RAI1: variants seen among roughly 807,000 people sequenced by gnomAD.
RAI1 encodes the protein retinoic acid-induced protein 1.
RAI1 carries 9 observed loss-of-function variants against 123.8 expected under a neutral mutation model. The observed-to-expected ratio is 0.07, with a 90% confidence interval of 0.04 to 0.13. RAI1 has a LOEUF of 0.13. Ranked by LOEUF, RAI1 falls within the 10% of genes least tolerant of loss-of-function variation. RAI1 has a pLI of 1.00. For synonymous variants in RAI1, 1,231 were observed against 1,127.3 expected (o/e 1.09, Z -1.84); for missense variants, 2,256 against 2,545.8 (o/e 0.89, Z 2.45).
intron 2 of RAI1, among the ~76,000 whole-genome samples, chr17:17,749,175 G>A (rs950205189): frequency 2.0e-5 from 3 of 152,200 alleles, no homozygotes; most frequent in Non-Finnish European, 4.4e-5. Flanking sequence ...GCACCAGCTC[G>A]CCTGAGCTGC....
intron 1 of RAI1, among the ~76,000 whole-genome samples, chr17:17,711,753 G>A (rs1462254146): frequency 6.6e-6 from 1 of 152,210 alleles, no homozygotes; most frequent in East Asian, 1.9e-4. Flanking sequence ...TGGTAGCTTG[G>A]GGCATTAGGG....
chr17:17,808,044 C>G (rs2032629021), intron 4 of RAI1, among the ~76,000 whole-genome samples: 1 of 152,222 alleles, frequency 6.6e-6, no homozygotes, highest in African/African-American at 2.4e-5. Flanking sequence ...AGAGCCACCT[C>G]CAGTGTGAAC....
intron 3 of RAI1, among the ~76,000 whole-genome samples, chr17:17,802,503 G>T (rs1043523744): frequency 3.9e-5 from 6 of 152,302 alleles, no homozygotes; most frequent in African/African-American, 1.4e-4. Context: ...GCGGCCAGGC[G>T]CGGTGGCTCA....
chr17:17,796,278 C>T lies in RAI1; in HGVS notation c.3330C>T (p.Ser1110=), dbSNP rs1177766518. 3 of 1,596,554 alleles carry T rather than the reference C, an allele frequency of 1.9e-6. No homozygotes were observed. The highest frequency in any genetic ancestry group is 3.3e-4 in the Middle Eastern group (2 of 5,994). ...CACCCAAGGCTGCCTCCAGCCCCAG[C>T]AACCCGGCCGCCCTGCCTGTGGCCT... The part of the protein sequence containing the change: ...KPSPKAASSP[S]NPAALPVASD... Residue 1110 remains serine (S), a synonymous_variant, in exon 3 of 6, where the codon AGC becomes AGT. Transcript: ENST00000353383. This position sits in a 1 kb window ranked among gnomAD's most constrained non-coding sequence, Gnocchi z 5.8.
At chr17:17,787,423 G>A (rs939918546) in intron 2 of RAI1, among the ~76,000 whole-genome samples, 3 of 152,152 alleles carry the variant, frequency 2.0e-5, no homozygotes, top group African/African-American at 7.2e-5. Flanking sequence ...ACAGAGAGGT[G>A]GTGACGCTTT....
intron 2 of RAI1, among the ~76,000 whole-genome samples, chr17:17,776,084 G>A (rs557895607): frequency 2.0e-5 from 3 of 152,316 alleles, no homozygotes; most frequent in Admixed American, 6.5e-5. Context: ...TTCCTCATCC[G>A]TAAAATGGGA....
At position 17,794,874 on chromosome 17, in the gene RAI1, G is replaced by T. The variant is rs147762019; in HGVS notation, c.1926G>T (p.Ser642=). Residue 642 remains serine, a synonymous_variant, in exon 3 of 6, where the codon TCG becomes TCT. Coordinates refer to ENST00000353383, the MANE Select transcript of RAI1 (RefSeq NM_030665.4). Reference sequence around the variant, plus strand: ...AGGACAGCAGCAAGCCACCCTTCTCGCTGGAGAACCACAGCGCCTGCCTGG... The same window carrying T: ...AGGACAGCAGCAAGCCACCCTTCTCTCTGGAGAACCACAGCGCCTGCCTGG... The part of the protein sequence containing the change: ...LVKDSSKPPF[S]LENHSACLDS... 1.2e-6 allele frequency: 2 copies of T among 1,613,298 alleles called. No individual in the cohort carries two copies. The highest frequency in any genetic ancestry group is 1.7e-6 in the Non-Finnish European group (2 of 1,179,970).
In RAI1 at chr17:17,795,514, C is replaced by T; in HGVS notation, c.2566C>T (p.Leu856=). Residue 856 remains leucine (L), a synonymous_variant, in exon 3 of 6, where the codon CTG becomes TTG. Transcript: ENST00000353383. This position sits in a 1 kb window ranked among gnomAD's most constrained non-coding sequence, Gnocchi z 5.9. ...CGCCGACTTCGGGGACCTCCCACTG[C>T]TGCCACCCACCAGCAGGAAGGAGGA... is the stretch of plus-strand genomic sequence containing the variant. ...STADFGDLPL[L]PPTSRKEDLE... is the part of the protein sequence containing the mutation. 1 of 1,593,748 alleles carries T rather than the reference C, an allele frequency of 6.3e-7. No individual in the cohort carries two copies. Among genetic ancestry groups the T allele is most frequent in the Non-Finnish European group, 8.5e-7 (1 of 1,170,252 alleles).
chr17:17,726,251 C>G (rs1175797280), intron 2 of RAI1, among the ~76,000 whole-genome samples: 1 of 152,222 alleles, frequency 6.6e-6, no homozygotes, highest in Non-Finnish European at 1.5e-5. Flanking sequence ...CCCTTCTACC[C>G]TTTGCCCAGA....
At chr17:17,807,217 G>A (rs2032611367) in intron 4 of RAI1, among the ~76,000 whole-genome samples, 1 of 138,664 alleles carries the variant, frequency 7.2e-6, no homozygotes, top group African/African-American at 2.6e-5. Flanking sequence ...GGTGCAGGGA[G>A]GGCCCCCAGC....
At chr17:17,695,497 C>T (rs1914995161) in intron 1 of RAI1, among the ~76,000 whole-genome samples, 1 of 152,006 alleles carries the variant, frequency 6.6e-6, no homozygotes, top group Non-Finnish European at 1.5e-5. Context: ...TACTACTCCA[C>T]AGCCGCCTTC....
chr17:17,802,528 G>A (rs1322993746), intron 3 of RAI1, among the ~76,000 whole-genome samples: 1 of 152,214 alleles, frequency 6.6e-6, no homozygotes, highest in Non-Finnish European at 1.5e-5. Context: ...TGTAATCCCA[G>A]CACTTTGGGA....
chr17:17,744,397 G>A (rs1205539249), intron 2 of RAI1, among the ~76,000 whole-genome samples: 1 of 152,222 alleles, frequency 6.6e-6, no homozygotes, highest in African/African-American at 2.4e-5. Flanking sequence ...ACACAGAACT[G>A]GTTCACAGAA....
chr17:17,780,012 T>C (rs947490558), intron 2 of RAI1, among the ~76,000 whole-genome samples: 10 of 150,012 alleles, frequency 6.7e-5, no homozygotes, highest in African/African-American at 2.4e-4. Flanking sequence ...CCTGACCTCA[T>C]GATCCGCCTG....
Position 17,809,536 on chromosome 17 carries a change from C to T in RAI1, c.5709+97C>T. 3.8e-6 allele frequency: 5 copies of T among 1,322,972 alleles called. No individual in the cohort carries two copies. The highest frequency in any genetic ancestry group is 5.4e-6 in the Non-Finnish European group (5 of 925,028). 82.0% of individuals were successfully genotyped at this position (1,322,972 alleles called of 1,614,324 possible). A position where few individuals can be genotyped will look rare whatever the true frequency, so the allele number is the denominator to read the frequency against. On this transcript the variant is annotated intron_variant, in intron 5 of 5. Coordinates refer to ENST00000353383, the MANE Select transcript of RAI1 (RefSeq NM_030665.4). This position sits in a 1 kb window ranked among gnomAD's most constrained non-coding sequence, Gnocchi z 4.9. ...ACAGTCCCCTGGGCCCCCTTGGCTG[C>T]GCAGCCCCGCAGGGCCCAGCCCTAG...
chr17:17,797,118 G>C lies in RAI1; in HGVS notation c.4170G>C (p.Lys1390Asn), dbSNP rs2032287891. ...TGGTAAATGTGGGCACCGGGCAGAA[G>C]CTCCCAACTTCTGGGGCTGATCCGT... ...EGLVNVGTGQ[K>N]LPTSGADPLC... The change falls in exon 3 of 6, where the codon AAG becomes AAC. Residue 1390 changes from lysine (K) to asparagine (N), a missense_variant. Transcript: ENST00000353383. 2 of 1,613,928 alleles carry C rather than the reference G, an allele frequency of 1.2e-6. No homozygotes were observed. The highest frequency in any genetic ancestry group is 2.7e-5 in the African/African-American group (2 of 74,934).
At chr17:17,721,031 A>C (rs972558659) in intron 1 of RAI1, among the ~76,000 whole-genome samples, 1 of 151,538 alleles carries the variant, frequency 6.6e-6, no homozygotes, top group African/African-American at 2.4e-5. Flanking sequence ...AGAATCTGGA[A>C]TCTGTGAAGG....
At chr17:17,703,027 C>A (rs969093898) in intron 1 of RAI1, among the ~76,000 whole-genome samples, 4 of 152,204 alleles carry the variant, frequency 2.6e-5, no homozygotes, top group Non-Finnish European at 4.4e-5. Context: ...CTGTACTTTA[C>A]GTGTAGTAAG....
At chr17:17,752,395 G>T (rs1445130886) in intron 2 of RAI1, among the ~76,000 whole-genome samples, 2 of 152,176 alleles carry the variant, frequency 1.3e-5, no homozygotes, top group South Asian at 2.1e-4. Context: ...CCCGGGGCGA[G>T]GCTGGTCTTG....
Sources: allele counts gnomAD v4.1 joint callset (sites outside exome capture counted in the v4.1 genomes callset), GRCh38; gene constraint gnomAD v4.1.1; non-coding constraint Gnocchi (gnomAD v3.1); transcripts MANE v1.5; gene names NCBI Gene and HGNC (gene_info 2026-07-23, HGNC 2026-07-21).